The following DOCK3 variants were observed in gnomAD, a reference collection of about 807,000 sequenced individuals.
The protein encoded by DOCK3 is dedicator of cytokinesis 3.
In DOCK3, 60 loss-of-function variants were observed where a neutral mutation model predicts 265.6. That is an observed-to-expected ratio of 0.23 (90% CI 0.18 to 0.28). The LOEUF (loss-of-function observed/expected upper bound fraction) is 0.28, where lower values mean the gene tolerates loss of function less well. DOCK3 is among the 10% of genes least tolerant of loss of function. The pLI is 1.00. For missense variants in DOCK3, 1,981 were observed against 2,594.3 expected (o/e 0.76, Z 5.14); for synonymous variants, 881 against 938.0 (o/e 0.94, Z 1.11).
intron 1 of DOCK3, among the ~76,000 whole-genome samples, chr3:50,749,046 C>T (rs2039626506): frequency 1.3e-5 from 2 of 152,152 alleles, no homozygotes; most frequent in Admixed American, 1.3e-4. Flanking sequence ...TCCTCCCTCC[C>T]TCCCAAAATT....
At chr3:51,327,934 AGCC>A (rs2084256483) in intron 32 of DOCK3, among the ~76,000 whole-genome samples, 1 of 152,060 alleles carries the variant, frequency 6.6e-6, no homozygotes, top group Admixed American at 6.6e-5. Context: ...TGCCCGCCTC[AGCC>A]TTCCAAAGTG....
intron 3 of DOCK3, among the ~76,000 whole-genome samples, chr3:50,842,167 C>T (rs1332287863): frequency 3.3e-5 from 5 of 151,974 alleles, no homozygotes; most frequent in Admixed American, 3.3e-4. Context: ...ATTTTATGTA[C>T]TAGATTTTAT....
At chr3:50,696,171 T>A (rs570045720) in intron 1 of DOCK3, among the ~76,000 whole-genome samples, 13 of 152,202 alleles carry the variant, frequency 8.5e-5, no homozygotes, top group Non-Finnish European at 1.8e-4. Flanking sequence ...CTCCTACAGT[T>A]CTGGGTACAT....
At chr3:50,929,596 A>T (rs1176075496) in intron 4 of DOCK3, among the ~76,000 whole-genome samples, 1 of 152,168 alleles carries the variant, frequency 6.6e-6, no homozygotes, top group Admixed American at 6.6e-5. Context: ...TTCAGAGTCC[A>T]GAAGACCTAT....
At chr3:51,376,427 T>C (rs2088137151) in intron 51 of DOCK3, among the ~76,000 whole-genome samples, 1 of 152,244 alleles carries the variant, frequency 6.6e-6, no homozygotes, top group African/African-American at 2.4e-5. Context: ...TGAGCAATCC[T>C]CCTTAGACCT....
chr3:51,007,839 G>T (rs531577521), intron 5 of DOCK3, among the ~76,000 whole-genome samples: 37 of 152,222 alleles, frequency 2.4e-4, no homozygotes, highest in Non-Finnish European at 5.0e-4. Context: ...TTCTACATAT[G>T]GCTAGCCAGT....
chr3:50,926,579 A>G (rs1412636948), intron 4 of DOCK3, among the ~76,000 whole-genome samples: 1 of 152,222 alleles, frequency 6.6e-6, no homozygotes, highest in East Asian at 1.9e-4. Flanking sequence ...AGAGGGTTAG[A>G]GATCTGGGGC....
At chr3:51,089,369 A>G (rs2082549852) in intron 8 of DOCK3, 85 bp downstream of exon 8, 1 of 1,473,406 alleles carries the variant, frequency 6.8e-7, no homozygotes, top group Non-Finnish European at 9.3e-7. Context: ...CCAGGAAATG[A>G]CAGACACCAC....
chr3:50,717,925 G>A (rs2037228953), intron 1 of DOCK3, among the ~76,000 whole-genome samples: 1 of 152,036 alleles, frequency 6.6e-6, no homozygotes, highest in African/African-American at 2.4e-5. Context: ...GCACCTGGCC[G>A]TGTTTGTGTT....
chr3:51,097,235 CA>C (rs2082894206), intron 9 of DOCK3, among the ~76,000 whole-genome samples: 2 of 152,204 alleles, frequency 1.3e-5, no homozygotes, highest in Non-Finnish European at 1.5e-5. Flanking sequence ...TGCTCTGTCC[CA>C]GGGAGATGGG....
intron 12 of DOCK3, among the ~76,000 whole-genome samples, chr3:51,183,531 C>T (rs2087422598): frequency 6.6e-6 from 1 of 152,168 alleles, no homozygotes. Flanking sequence ...GTATTGTTTT[C>T]TCCTCTAGAT....
At chr3:50,831,488 T>G (rs2045170073) in intron 2 of DOCK3, among the ~76,000 whole-genome samples, 1 of 152,122 alleles carries the variant, frequency 6.6e-6, no homozygotes, top group Admixed American at 6.6e-5. Context: ...GTTTGGTTTT[T>G]CTGTTTCTGT....
chr3:50,889,732 G>T (rs993814064), intron 3 of DOCK3, among the ~76,000 whole-genome samples: 1 of 151,990 alleles, frequency 6.6e-6, no homozygotes, highest in African/African-American at 2.4e-5. Flanking sequence ...TTTCTGGAGA[G>T]TGAATTGATG....
intron 27 of DOCK3, among the ~76,000 whole-genome samples, chr3:51,288,669 C>T (rs889389335): frequency 1.3e-5 from 2 of 152,106 alleles, no homozygotes; most frequent in African/African-American, 2.4e-5. Context: ...CAAAAACTCA[C>T]TTAGAATGAG....
chr3:51,261,010 A>G (rs2079821476), intron 23 of DOCK3, among the ~76,000 whole-genome samples: 1 of 152,032 alleles, frequency 6.6e-6, no homozygotes, highest in Non-Finnish European at 1.5e-5. Context: ...AAAAAAGAAA[A>G]TTTAGATTAG....
At chr3:50,685,974 A>G (rs2034768783) in intron 1 of DOCK3, among the ~76,000 whole-genome samples, 1 of 152,140 alleles carries the variant, frequency 6.6e-6, no homozygotes. Context: ...TTTCGACACC[A>G]GGGACTGGTT....
chr3:51,233,874 A>G (rs192392879), intron 19 of DOCK3, among the ~76,000 whole-genome samples: 2 of 152,270 alleles, frequency 1.3e-5, no homozygotes, highest in South Asian at 2.1e-4. Context: ...TCTGCTGATC[A>G]ACACCTAGAT....
At chr3:51,290,201 A>G (rs973257194) in intron 27 of DOCK3, among the ~76,000 whole-genome samples, 1 of 152,194 alleles carries the variant, frequency 6.6e-6, no homozygotes, top group African/African-American at 2.4e-5. Flanking sequence ...ACCCAGAGGA[A>G]TATAAATCAT....
chr3:51,113,029 AT>A (rs2083585972), intron 9 of DOCK3, among the ~76,000 whole-genome samples: 1 of 132,264 alleles, frequency 7.6e-6, no homozygotes, highest in Non-Finnish European at 1.7e-5. Context: ...GATTATATCT[AT>A]AATATTCTTC....
Sources: allele counts gnomAD v4.1 joint callset (sites outside exome capture counted in the v4.1 genomes callset), GRCh38; gene constraint gnomAD v4.1.1; transcripts MANE v1.5; gene names NCBI Gene and HGNC (gene_info 2026-07-23, HGNC 2026-07-21).